Variants in FNDC3A observed in about 807,000 individuals in gnomAD.
FNDC3A encodes fibronectin type-III domain-containing protein 3A.
FNDC3A carries 32 observed loss-of-function variants against 148.9 expected under a neutral mutation model. The observed-to-expected ratio is 0.21, with a 90% CI of 0.16 to 0.29. FNDC3A has a LOEUF of 0.29. Among genes scored for constraint, FNDC3A ranks in the 10% least tolerant of loss-of-function variants. FNDC3A has a pLI of 1.00. For missense variants in FNDC3A, 1,191 were observed against 1,452.8 expected (o/e 0.82, Z 2.93); for synonymous variants, 472 against 473.6 (o/e 1.00, Z 0.04).
At chr13:49,066,434 A>G (rs917172866) in intron 2 of FNDC3A, among the ~76,000 whole-genome samples, 3 of 152,218 alleles carry the variant, frequency 2.0e-5, no homozygotes, top group African/African-American at 7.2e-5. Context: ...AGAAACACTT[A>G]TTGAAGATAT....
intron 1 of FNDC3A, among the ~76,000 whole-genome samples, chr13:48,982,997 T>C (rs1308565601): frequency 6.6e-6 from 1 of 152,156 alleles, no homozygotes; most frequent in Non-Finnish European, 1.5e-5. Flanking sequence ...TTGACAGACA[T>C]ACCTAATCAT....
chr13:49,184,882 G>T (rs1288512513), intron 14 of FNDC3A, among the ~76,000 whole-genome samples: 2 of 151,762 alleles, frequency 1.3e-5, no homozygotes, highest in East Asian at 1.9e-4. Context: ...CTAGATAAGG[G>T]CTTAGAAATG....
chr13:48,979,973 A>G lies in FNDC3A; in HGVS notation c.-40+3796A>G, dbSNP rs565885701. Among the ~76,000 whole-genome samples the G allele has an allele frequency of 3.9e-5, 6 of 152,266 alleles. No homozygotes were observed. In the East Asian group the frequency reaches 9.7e-4, roughly 24 times the overall value. On this transcript the variant is annotated intron_variant, in intron 1 of 25. Coordinates refer to ENST00000492622, the MANE Select transcript of FNDC3A (RefSeq NM_001079673.2). ...AATAATTGGCAAAGTAATTGTCCATATAGCACATACTGTGAAATTTCTTGC... is the reference window on the plus strand; with the variant it reads ...AATAATTGGCAAAGTAATTGTCCATGTAGCACATACTGTGAAATTTCTTGC...
chr13:49,019,015 C>A (rs1306052314), intron 2 of FNDC3A, among the ~76,000 whole-genome samples: 1 of 152,208 alleles, frequency 6.6e-6, no homozygotes, highest in African/African-American at 2.4e-5. Flanking sequence ...AGCTGTCAGA[C>A]AGGGACATTT....
At chr13:49,008,139 A>G (rs1952258474) in intron 2 of FNDC3A, among the ~76,000 whole-genome samples, 1 of 152,204 alleles carries the variant, frequency 6.6e-6, no homozygotes, top group Admixed American at 6.6e-5. Context: ...AAAAGACTGA[A>G]GAAACTTTAG....
intron 1 of FNDC3A, among the ~76,000 whole-genome samples, chr13:48,992,543 A>G (rs1431017469): frequency 6.6e-6 from 1 of 152,196 alleles, no homozygotes; most frequent in Non-Finnish European, 1.5e-5. Flanking sequence ...AAACAACATC[A>G]TTGTTCATGG....
chr13:49,193,940 C>CA (rs541401392), intron 19 of FNDC3A, among the ~76,000 whole-genome samples: 3 of 150,624 alleles, frequency 2.0e-5, no homozygotes, highest in East Asian at 4.0e-4. Flanking sequence ...CAATTAAAAA[C>CA]AAAAAACTAT....
At chr13:49,015,258 A>G (rs1163040081) in intron 2 of FNDC3A, among the ~76,000 whole-genome samples, 2 of 152,046 alleles carry the variant, frequency 1.3e-5, no homozygotes, top group Non-Finnish European at 2.9e-5. Context: ...ATTTGTTTGT[A>G]TCCTCTTTTA....
intron 2 of FNDC3A, among the ~76,000 whole-genome samples, chr13:49,065,441 T>C (rs1877201432): frequency 6.6e-6 from 1 of 152,206 alleles, no homozygotes; most frequent in Non-Finnish European, 1.5e-5. Flanking sequence ...CACTTCCTAA[T>C]TTATGTTACA....
chr13:49,179,394 T>A (rs978028514), intron 14 of FNDC3A, among the ~76,000 whole-genome samples: 1 of 152,160 alleles, frequency 6.6e-6, no homozygotes, highest in African/African-American at 2.4e-5. Flanking sequence ...ATAATAACTG[T>A]AAAGTTATTC....
Position 49,144,016 on chromosome 13 carries a change from A to ACTACTACTG in FNDC3A, c.820-1754_820-1753insGCTACTACT, listed in dbSNP as rs1555296993. Among the ~76,000 whole-genome samples the ACTACTACTG allele has an allele frequency of 2.1e-5, 3 of 145,564 alleles. No homozygotes were observed. The South Asian group carries it at 6.3e-4, about 31-fold the overall frequency. ...TACTACTACTACTACTACTACTGCT[A>ACTACTACTG]CTACTACTACTACTACTAATAATAA... is the stretch of plus-strand genomic sequence containing the variant. On this transcript the variant is annotated intron_variant, in intron 7 of 25. Transcript: ENST00000492622.
intron 2 of FNDC3A, among the ~76,000 whole-genome samples, chr13:49,054,848 A>G (rs2137721557): frequency 6.6e-6 from 1 of 151,872 alleles, no homozygotes; most frequent in East Asian, 1.9e-4. Flanking sequence ...TTTATATTTT[A>G]TATTTATATT....
intron 3 of FNDC3A, among the ~76,000 whole-genome samples, chr13:49,091,726 G>T (rs1879203553): frequency 6.6e-6 from 1 of 152,232 alleles, no homozygotes; most frequent in Non-Finnish European, 1.5e-5. Flanking sequence ...GGCCATAGGT[G>T]CAGGCTGGGG....
chr13:49,184,778 G>A (rs1351947089), intron 14 of FNDC3A, among the ~76,000 whole-genome samples: 2 of 151,986 alleles, frequency 1.3e-5, no homozygotes, highest in East Asian at 1.9e-4. Context: ...TGCTTCCCAC[G>A]ACCTCCCCCT....
At chr13:49,160,518 T>G (rs1489332989) in intron 8 of FNDC3A, among the ~76,000 whole-genome samples, 1 of 151,440 alleles carries the variant, frequency 6.6e-6, no homozygotes, top group African/African-American at 2.4e-5. Flanking sequence ...TTTTCTTCTT[T>G]ATTAGTCTTG....
chr13:49,025,891 G>A (rs1406651146), intron 2 of FNDC3A, among the ~76,000 whole-genome samples: 1 of 152,244 alleles, frequency 6.6e-6, no homozygotes, highest in East Asian at 1.9e-4. Context: ...CTGAAAAAAT[G>A]TATCTTCCAA....
intron 2 of FNDC3A, among the ~76,000 whole-genome samples, chr13:49,041,826 AAAAAG>A (rs1874956277): frequency 1.3e-5 from 2 of 151,964 alleles, no homozygotes; most frequent in South Asian, 4.1e-4. Context: ...AAAAAAAAAA[AAAAAG>A]AAAAGAAAAA....
chr13:49,126,848 G>T (rs1881730149), intron 4 of FNDC3A, among the ~76,000 whole-genome samples: 1 of 152,168 alleles, frequency 6.6e-6, no homozygotes, highest in South Asian at 2.1e-4. Context: ...TAAGACATAT[G>T]CATCTGGAAA....
At chr13:49,195,213 A>G (rs745904031) in intron 19 of FNDC3A, among the ~76,000 whole-genome samples, 6 of 152,234 alleles carry the variant, frequency 3.9e-5, no homozygotes, top group Non-Finnish European at 5.9e-5. Context: ...TTTAAAGTCT[A>G]GCTAAAATCA....
Sources: allele counts gnomAD v4.1 joint callset (sites outside exome capture counted in the v4.1 genomes callset), GRCh38; gene constraint gnomAD v4.1.1; transcripts MANE v1.5; gene names NCBI Gene and HGNC (gene_info 2026-07-23, HGNC 2026-07-21).